Variants in PM20D2 observed in about 807,000 individuals in gnomAD.
PM20D2 encodes xaa-Arg dipeptidase.
In PM20D2, 33 loss-of-function variants were observed where a neutral mutation model predicts 42.9. The ratio of observed to expected loss-of-function variants is 0.77; its 90% CI spans 0.58 to 1.03. The LOEUF is 1.03. Among genes scored for constraint, PM20D2 ranks in the 50% least tolerant of loss-of-function variants. PM20D2 has a pLI of 0.00. For missense variants in PM20D2, 548 were observed against 557.0 expected (o/e 0.98, Z 0.16); for synonymous variants, 250 against 228.2 (o/e 1.10, Z -0.86).
chr6:89,116,518 T>C, the PM20D2 span, among the ~76,000 whole-genome samples: 1 of 152,186 alleles, frequency 6.6e-6, no homozygotes, highest in Admixed American at 6.5e-5. Context: ...CTCATGCCTG[T>C]AATCTCAGCG....
rs370350942 is a variant in PM20D2, at chr6:89,148,494, T to C, written c.466-771T>C. The C allele has an allele frequency of 5.0e-5, 48 of 952,362 alleles. No homozygotes were observed. The African/African-American group carries it at 8.1e-4, about 16-fold the overall frequency. The allele number at this position is 952,362 out of a possible 1,614,324, so 59.0% of individuals were successfully genotyped here. On this transcript the variant is annotated intron_variant, in intron 1 of 6. Coordinates refer to ENST00000275072, the MANE Select transcript of PM20D2 (RefSeq NM_001010853.3). The stretch of plus-strand genomic sequence containing the variant: ...AGCTTAAATATCAAAGTAAAATGTT[T>C]ATTCTGTAAAGTTCTCTTTTGTTTA...
chr6:89,159,922 G>GC (rs963521872), intron 5 of PM20D2, among the ~76,000 whole-genome samples: 1 of 152,186 alleles, frequency 6.6e-6, no homozygotes, highest in Non-Finnish European at 1.5e-5. Flanking sequence ...AAGACACATG[G>GC]CCTGCTCTAC....
rs1345640273 is a variant in PM20D2, at chr6:89,146,492, G to A, written c.348G>A (p.Ala116=). 2 of 1,522,968 alleles carry A rather than the reference G, an allele frequency of 1.3e-6. No individual in the cohort carries two copies. Among genetic ancestry groups the A allele is most frequent in the Non-Finnish European group, 1.8e-6 (2 of 1,142,512 alleles). 94.3% of individuals were successfully genotyped at this position (1,522,968 alleles called of 1,614,324 possible). ...TGGGCTTCCTCTGCGAGTACGACGC[G>A]CTGCCCGGCATCGGCCACGCCTGCG... is the stretch of plus-strand genomic sequence containing the variant. ...LHLGFLCEYD[A]LPGIGHACGH... is the part of the protein sequence containing the mutation. Residue 116 remains alanine (A), a synonymous_variant, in exon 1 of 7, where the codon GCG becomes GCA. Transcript: ENST00000275072.
Position 89,158,339 on chromosome 6 carries a change from T to C in PM20D2, c.927T>C (p.Gly309=), listed in dbSNP as rs201362010. The change falls in exon 5 of 7, where the codon GGT becomes GGC. Residue 309 remains glycine (G), a synonymous_variant. Transcript: ENST00000275072. ...LASGCTVEIK[G]GAHDYYNVLP... ...TTTTTTATTAGGTGGAAATTAAAGGTGGAGCACATGATTATTACAATGTTC... is the reference window on the plus strand; with the variant it reads ...TTTTTTATTAGGTGGAAATTAAAGGCGGAGCACATGATTATTACAATGTTC... The C allele has an allele frequency of 7.5e-5, 119 of 1,580,770 alleles. No individual in the cohort carries two copies. The highest frequency in any genetic ancestry group is 9.5e-5 in the Non-Finnish European group (111 of 1,169,942).
Position 89,149,251 on chromosome 6 carries a change from G to C in PM20D2, c.466-14G>C. 1.2e-6 allele frequency: 2 copies of C among 1,611,814 alleles called. No homozygotes were observed. The highest frequency in any genetic ancestry group is 1.7e-6 in the Non-Finnish European group (2 of 1,179,004). ...ATTTTGTTGTTTTTCCCTGACATGA[G>C]TATTTCCTTCTAGGTAGTTGTCCTG... is the stretch of plus-strand genomic sequence containing the variant. On this transcript the variant is annotated splice_polypyrimidine_tract_variant and intron_variant, in intron 1 of 6. Transcript: ENST00000275072.
At chr6:89,118,924 G>A in the PM20D2 span, among the ~76,000 whole-genome samples, 6 of 152,224 alleles carry the variant, frequency 3.9e-5, no homozygotes, top group African/African-American at 1.4e-4. Context: ...TCCCCTTCTA[G>A]TTAGACTCGT....
chr6:89,112,421 C>A, the PM20D2 span, among the ~76,000 whole-genome samples: 1 of 148,584 alleles, frequency 6.7e-6, no homozygotes, highest in Non-Finnish European at 1.5e-5. Context: ...AAATTAATTT[C>A]TTTCTAGTCT....
At chr6:89,134,804 G>T in the PM20D2 span, among the ~76,000 whole-genome samples, 509 of 151,424 alleles carry the variant, frequency 3.4e-3, 7 homozygotes, top group Non-Finnish European at 3.2e-3. Flanking sequence ...TCAGAAAATT[G>T]TAAGGGAGAA....
upstream of PM20D2, among the ~76,000 whole-genome samples, chr6:89,145,714 A>G (rs1770507054): frequency 6.6e-6 from 1 of 152,244 alleles, no homozygotes; most frequent in Non-Finnish European, 1.5e-5. Context: ...TTAATTACTA[A>G]TGCTACAGAG....
At chr6:89,159,879 C>T (rs1024607158) in intron 5 of PM20D2, among the ~76,000 whole-genome samples, 1 of 152,114 alleles carries the variant, frequency 6.6e-6, no homozygotes, top group Non-Finnish European at 1.5e-5. Flanking sequence ...TTCTTTTACC[C>T]TAGCAGGTTT....
rs1178728292 is a variant in PM20D2 at position 89,164,337 on chromosome 6, A to G, written c.*2074A>G. The G allele has an allele frequency of 6.6e-6, 1 of 152,574 alleles. No homozygotes were observed. Among genetic ancestry groups the G allele is most frequent in the Non-Finnish European group, 1.5e-5 (1 of 68,036 alleles). 9.5% of individuals were successfully genotyped at this position (152,574 alleles called of 1,614,324 possible). A position where few individuals can be genotyped will look rare whatever the true frequency, so the allele number is the denominator to read the frequency against. The stretch of plus-strand genomic sequence containing the variant: ...AGTGAACACTGGTTGAGGAGTGCCT[A>G]TTTCTAAGCACTGGGTGTAAGAAGA... On this transcript the variant is annotated 3_prime_UTR_variant, in exon 7 of 7. Coordinates refer to ENST00000275072, the MANE Select transcript of PM20D2 (RefSeq NM_001010853.3).
At chr6:89,098,552 C>T in the PM20D2 span, 23 of 1,571,250 alleles carry the variant, frequency 1.5e-5, no homozygotes, top group Middle Eastern at 1.7e-4. Flanking sequence ...ATATTAAAGA[C>T]GGCGTGGTGC....
rs1426635088 is a variant in PM20D2 at position 89,164,584 on chromosome 6, C to T, written c.*2321C>T. ...CTTATTTGGTTTTGTCAAAGTTTTA[C>T]GAAAATATATGATATATATTTATAC... is the stretch of plus-strand genomic sequence containing the variant. On this transcript the variant is annotated 3_prime_UTR_variant, in exon 7 of 7. Transcript: ENST00000275072. 2.6e-5 allele frequency: 4 copies of T among 152,016 alleles called. No homozygotes were observed. The highest frequency in any genetic ancestry group is 6.6e-5 in the Admixed American group (1 of 15,220). 9.4% of individuals were successfully genotyped at this position (152,016 alleles called of 1,614,324 possible). A position where few individuals can be genotyped will look rare whatever the true frequency, so the allele number is the denominator to read the frequency against.
chr6:89,125,208 C>T, the PM20D2 span, among the ~76,000 whole-genome samples: 1 of 152,162 alleles, frequency 6.6e-6, no homozygotes, highest in Admixed American at 6.5e-5. Context: ...TCACCGGGCG[C>T]GGTAGCTCAC....
chr6:89,131,868 G>T, the PM20D2 span, among the ~76,000 whole-genome samples: 4 of 152,216 alleles, frequency 2.6e-5, no homozygotes, highest in African/African-American at 9.6e-5. Context: ...CTTTTAGTGG[G>T]TTTCATATTT....
Position 89,151,153 on chromosome 6 carries a change from C to CAAAA in PM20D2, c.614+1746_614+1749dup, listed in dbSNP as rs147104190. On this transcript the variant is annotated intron_variant, in intron 2 of 6. Coordinates refer to ENST00000275072, the MANE Select transcript of PM20D2 (RefSeq NM_001010853.3). ...CCACCAGACAAGTGAAACTCCATCT[C>CAAAA]AAAAAAAAAGAAAAAAAAAAAGAGA... 1.2e-3 allele frequency among the ~76,000 whole-genome samples: 157 copies of CAAAA among 127,968 alleles called. 1 individual carries two copies. The highest frequency in any genetic ancestry group is 3.5e-3 in the African/African-American group (115 of 33,070). The allele number at this position is 127,968 out of a possible 152,430, so 84.0% of individuals were successfully genotyped here. A position where few individuals can be genotyped will look rare whatever the true frequency, so the allele number is the denominator to read the frequency against.
the PM20D2 span, among the ~76,000 whole-genome samples, chr6:89,126,740 G>A: frequency 4.0e-5 from 6 of 149,844 alleles, no homozygotes; most frequent in Admixed American, 1.3e-4. Context: ...GACCAGCCCA[G>A]TACCATTTGG....
the PM20D2 span, chr6:89,117,775 T>TA: frequency 1.5e-5 from 23 of 1,510,402 alleles, no homozygotes; most frequent in Non-Finnish European, 1.9e-5. Flanking sequence ...GCGCGGCTGT[T>TA]ACCCCGCCCC....
upstream of PM20D2, among the ~76,000 whole-genome samples, chr6:89,142,672 T>TTA (rs1201567868): frequency 6.6e-6 from 1 of 151,862 alleles, no homozygotes; most frequent in Admixed American, 6.6e-5. Flanking sequence ...TATTATTATT[T>TTA]TTTGAGACGG....
Sources: allele counts gnomAD v4.1 joint callset (sites outside exome capture counted in the v4.1 genomes callset), GRCh38; gene constraint gnomAD v4.1.1; transcripts MANE v1.5; gene names NCBI Gene and HGNC (gene_info 2026-07-23, HGNC 2026-07-21).